The following TNPO1 variants were observed in gnomAD, a reference collection of about 807,000 sequenced individuals.
TNPO1 encodes transportin 1.
Under a neutral mutation model 119.5 loss-of-function variants are expected in TNPO1, and 8 were observed. The ratio of observed to expected loss-of-function variants is 0.07; its 90% CI spans 0.04 to 0.12. The LOEUF (loss-of-function observed/expected upper bound fraction) is 0.12, where lower values mean the gene tolerates loss of function less well. TNPO1 is among the 10% of genes least tolerant of loss of function. The pLI, the probability that TNPO1 is intolerant of heterozygous loss-of-function variation, is 1.00. For missense variants in TNPO1, 576 were observed against 1,089.8 expected (o/e 0.53, Z 6.64); for synonymous variants, 362 against 363.0 (o/e 1.00, Z 0.03).
chr5:72,877,136 A>G (rs1005233281), intron 8 of TNPO1, 92 bp from the exon 9 acceptor site: 14 of 647,492 alleles, frequency 2.2e-5, no homozygotes, highest in African/African-American at 5.6e-5. Context: ...GTTGAAAACC[A>G]TAAGGTCAAA....
Position 72,908,812 on chromosome 5 carries a change from AC to A in TNPO1, c.*142del. 1 of 430,418 alleles carries A rather than the reference AC, an allele frequency of 2.3e-6. No homozygotes were observed. Among genetic ancestry groups the A allele is most frequent in the South Asian group, 1.7e-5 (1 of 60,134 alleles). 26.7% of individuals were successfully genotyped at this position (430,418 alleles called of 1,614,324 possible). ...CAGTAGGGAATACAGTACAATCCCA[AC>A]CCTACTGGGAGGGGCGGGAGGGAGG... On this transcript the variant is annotated 3_prime_UTR_variant, in exon 25 of 25. Transcript: ENST00000337273.
chr5:72,896,941 A>C, intron 19 of TNPO1, 115 bp from the exon 20 acceptor site: 1 of 474,990 alleles, frequency 2.1e-6, no homozygotes, highest in Non-Finnish European at 3.7e-6. Context: ...AATTATTTGT[A>C]TTTCTATATT....
chr5:72,829,591 A>G (rs1407237482), intron 1 of TNPO1, among the ~76,000 whole-genome samples: 1 of 152,224 alleles, frequency 6.6e-6, no homozygotes, highest in Non-Finnish European at 1.5e-5. Context: ...ATAAGAAGTA[A>G]TGCCAGCTTT....
Position 72,816,676 on chromosome 5 carries a change from C to G in TNPO1, c.-62C>G. ...GATTCTCTTTGTTCCGCAGCCATTT[C>G]AGGCCCCGGACAGGAGGCAGTGCCG... On this transcript the variant is annotated 5_prime_UTR_variant, in exon 1 of 25. Coordinates refer to ENST00000337273, the MANE Select transcript of TNPO1 (RefSeq NM_002270.4). 6.6e-7 allele frequency: 1 copy of G among 1,508,454 alleles called. No individual in the cohort carries two copies. Among genetic ancestry groups the G allele is most frequent in the Non-Finnish European group, 8.9e-7 (1 of 1,127,372 alleles). 93.4% of individuals were successfully genotyped at this position (1,508,454 alleles called of 1,614,324 possible).
At chr5:72,892,903 A>T (rs1749166949) in intron 15 of TNPO1, among the ~76,000 whole-genome samples, 1 of 150,136 alleles carries the variant, frequency 6.7e-6, no homozygotes, top group Non-Finnish European at 1.5e-5. Flanking sequence ...TTTAAAGATA[A>T]TGTTTCTTGT....
At chr5:72,856,396 T>C (rs1389914424) in intron 4 of TNPO1, among the ~76,000 whole-genome samples, 1 of 152,090 alleles carries the variant, frequency 6.6e-6, no homozygotes, top group East Asian at 1.9e-4. Context: ...CATGCCTGGC[T>C]AATTTTTGTA....
Position 72,869,504 on chromosome 5 carries a change from G to A in TNPO1, c.597-3135G>A, listed in dbSNP as rs559199758. Among the ~76,000 whole-genome samples, 215 of 152,196 alleles carry A rather than the reference G, an allele frequency of 1.4e-3. 1 individual carries two copies. The highest frequency in any genetic ancestry group is 4.6e-3 in the African/African-American group (190 of 41,544). On this transcript the variant is annotated intron_variant, in intron 6 of 24. Transcript: ENST00000337273. The stretch of plus-strand genomic sequence containing the variant: ...GGAGGTTGTGGTGAGCTGACATTGC[G>A]CCACTGCACTCCCTCCTGGGTGACA...
chr5:72,879,674 A>G (rs929785689), intron 9 of TNPO1, among the ~76,000 whole-genome samples: 2 of 152,234 alleles, frequency 1.3e-5, no homozygotes, highest in Non-Finnish European at 2.9e-5. Flanking sequence ...CCACTTTTAT[A>G]TATAAAACGC....
intron 3 of TNPO1, 72 bp downstream of exon 3, chr5:72,851,391 A>T (rs574364551): frequency 1.3e-4 from 110 of 874,752 alleles, no homozygotes; most frequent in South Asian, 2.5e-4. Context: ...AGAATTATTC[A>T]TTTCAAAGGA....
At chr5:72,875,266 C>T (rs1747676990) in intron 7 of TNPO1, among the ~76,000 whole-genome samples, 1 of 152,150 alleles carries the variant, frequency 6.6e-6, no homozygotes, top group Non-Finnish European at 1.5e-5. Flanking sequence ...CTATTACCAC[C>T]TCTCACCTTA....
intron 20 of TNPO1, among the ~76,000 whole-genome samples, chr5:72,897,379 A>G (rs1478276837): frequency 6.6e-6 from 1 of 152,120 alleles, no homozygotes; most frequent in Non-Finnish European, 1.5e-5. Flanking sequence ...TTTTTCCCCT[A>G]TTCCAGTGTT....
At chr5:72,905,212 T>TA (rs150320545) in intron 23 of TNPO1, 91 bp from the exon 24 acceptor site, 146,245 of 942,626 alleles carry the variant, frequency 0.16, 12,892 homozygotes, top group African/African-American at 0.27. Context: ...ATAAAATTTA[T>TA]AAAAAAATCA....
chr5:72,880,677 A>G (rs913494686), intron 9 of TNPO1, among the ~76,000 whole-genome samples: 7 of 151,964 alleles, frequency 4.6e-5, no homozygotes, highest in African/African-American at 1.7e-4. Context: ...TTAGCCAGGC[A>G]TGGTGGCGTA....
At position 72,877,832 on chromosome 5, in the gene TNPO1, G is replaced by A. The variant is rs187846041; in HGVS notation, c.920+486G>A. Among the ~76,000 whole-genome samples, 6 of 152,160 alleles carry A rather than the reference G, an allele frequency of 3.9e-5. No individual in the cohort carries two copies. The East Asian group carries it at 1.2e-3, about 29-fold the overall frequency. ...ATTTTCCGCATTTTCACCACCCTGAGTAATCACTGGTAGTATTTTTTATGT... is the reference window on the plus strand; with the variant it reads ...ATTTTCCGCATTTTCACCACCCTGAATAATCACTGGTAGTATTTTTTATGT... On this transcript the variant is annotated intron_variant, in intron 9 of 24. Transcript: ENST00000337273.
chr5:72,878,251 A>G (rs931451945), intron 9 of TNPO1, among the ~76,000 whole-genome samples: 5 of 152,072 alleles, frequency 3.3e-5, no homozygotes, highest in African/African-American at 1.2e-4. Context: ...TTCTTTGTCA[A>G]TAAAAGGTTG....
At chr5:72,864,287 ATAT>A (rs1175810560) in intron 5 of TNPO1, among the ~76,000 whole-genome samples, 3 of 152,324 alleles carry the variant, frequency 2.0e-5, no homozygotes, top group African/African-American at 7.2e-5. Flanking sequence ...TATTTTTAAG[ATAT>A]TATAAAATCT....
At chr5:72,891,396 C>T (rs1175879888) in intron 14 of TNPO1, among the ~76,000 whole-genome samples, 2 of 151,972 alleles carry the variant, frequency 1.3e-5, no homozygotes, top group African/African-American at 4.8e-5. Flanking sequence ...ACCTGGGAGG[C>T]GGAGCTTGCA....
At chr5:72,869,232 T>C (rs1747185048) in intron 6 of TNPO1, among the ~76,000 whole-genome samples, 1 of 152,082 alleles carries the variant, frequency 6.6e-6, no homozygotes, top group African/African-American at 2.4e-5. Context: ...TTTTACAACA[T>C]ATAAAATTGG....
chr5:72,900,696 G>A (rs1487886726), intron 21 of TNPO1, among the ~76,000 whole-genome samples: 1 of 152,024 alleles, frequency 6.6e-6, no homozygotes, highest in Non-Finnish European at 1.5e-5. Flanking sequence ...TCTTGGCTCA[G>A]GCTCATTAAT....
Sources: gnomAD v4.1 joint callset for allele counts (sites outside exome capture counted in the v4.1 genomes callset) on GRCh38, gnomAD v4.1.1 for gene constraint, MANE v1.5 for transcripts, NCBI Gene and HGNC (gene_info 2026-07-23, HGNC 2026-07-21) for gene names.